MMP9: variants seen among roughly 807,000 people sequenced by gnomAD.
The protein encoded by MMP9 is matrix metallopeptidase 9, also known as matrix metalloproteinase-9.
In MMP9, 73 loss-of-function variants were observed where a neutral mutation model predicts 76.4. The observed-to-expected ratio is 0.96, with a 90% CI of 0.79 to 1.16. The LOEUF (loss-of-function observed/expected upper bound fraction) is 1.16, where lower values mean the gene tolerates loss of function less well. MMP9 is among the 50% of genes most tolerant of loss of function. The pLI is 0.00. For synonymous variants in MMP9, 412 were observed against 408.4 expected (o/e 1.01, Z -0.11); for missense variants, 943 against 973.0 (o/e 0.97, Z 0.41).
intron 8 of MMP9, 114 bp downstream of exon 8, chr20:46,012,696 A>C: frequency 6.9e-7 from 1 of 1,458,610 alleles, no homozygotes; most frequent in South Asian, 1.2e-5. Context: ...GAGAGGTGGG[A>C]CCTCAACGTC....
Position 46,010,542 on chromosome 20 carries a change from C to G in MMP9, c.431C>G (p.Ala144Gly), listed in dbSNP as rs370718441. The change falls in exon 3 of 13, where the codon GCC (alanine) becomes GGC (glycine). Residue 144 changes from alanine (A) to glycine (G), a missense_variant. Transcript: ENST00000372330. ...GTGATTGACGACGCCTTTGCCCGCG[C>G]CTTCGCACTGTGGAGCGCGGTGACG... ...RAVIDDAFAR[A>G]FALWSAVTPL... 57 of 1,614,126 alleles carry G rather than the reference C, an allele frequency of 3.5e-5. No homozygotes were observed. In the South Asian group the frequency reaches 5.4e-4, roughly 15 times the overall value.
chr20:46,014,366 C>T lies in MMP9; in HGVS notation c.1902-5C>T. 1 of 1,547,204 alleles carries T rather than the reference C, an allele frequency of 6.5e-7. No individual in the cohort carries two copies. The highest frequency in any genetic ancestry group is 2.4e-5 in the East Asian group (1 of 40,912). On this transcript the variant is annotated splice_region_variant and splice_polypyrimidine_tract_variant and intron_variant, in intron 11 of 12. Transcript: ENST00000372330. ...AGCACCTGTCTCCTCCGCGCCTGCCCGCAGGTTCGACGTGAAGGCGCAGAT... is the reference window on the plus strand; with the variant it reads ...AGCACCTGTCTCCTCCGCGCCTGCCTGCAGGTTCGACGTGAAGGCGCAGAT...
chr20:46,013,532 T>A lies in MMP9; in HGVS notation c.1608T>A (p.Asp536Glu). The change falls in exon 9 of 13, where the codon GAT becomes GAA. Residue 536 changes from aspartate to glutamate, a missense_variant and splice_region_variant. Coordinates refer to ENST00000372330, the MANE Select transcript of MMP9 (RefSeq NM_004994.3). The surrounding 1 kb of genome is among the most constrained non-coding windows in gnomAD (Gnocchi z 4.5). ...GGAACCAGCTGTATTTGTTCAAGGATGGGTGAGGAGGCGGGGTTGTGTGGA... is the reference window on the plus strand; with the variant it reads ...GGAACCAGCTGTATTTGTTCAAGGAAGGGTGAGGAGGCGGGGTTGTGTGGA... ...EIGNQLYLFKDGKYWRFSEGR... is the reference protein window; with the variant it reads ...EIGNQLYLFKEGKYWRFSEGR... 1 of 1,613,902 alleles carries A rather than the reference T, an allele frequency of 6.2e-7. No homozygotes were observed. The highest frequency in any genetic ancestry group is 1.1e-5 in the South Asian group (1 of 91,034).
chr20:46,010,477 C>A lies in MMP9; in HGVS notation c.372-6C>A. The A allele has an allele frequency of 6.2e-7, 1 of 1,614,078 alleles. No homozygotes were observed. Reference sequence around the variant, plus strand: ...TGACCTCCTTCCTCTGGCTCTTACGCTACAGGATCCAAAACTACTCGGAAG... The same window carrying A: ...TGACCTCCTTCCTCTGGCTCTTACGATACAGGATCCAAAACTACTCGGAAG... On this transcript the variant is annotated splice_region_variant and splice_polypyrimidine_tract_variant and intron_variant, in intron 2 of 12. Coordinates refer to ENST00000372330, the MANE Select transcript of MMP9 (RefSeq NM_004994.3).
rs201266379 is a variant in MMP9 at position 46,013,560 on chromosome 20, C to G, written c.1610+26C>G. The G allele has an allele frequency of 1.2e-6, 2 of 1,611,688 alleles. No homozygotes were observed. The highest frequency in any genetic ancestry group is 2.7e-5 in the African/African-American group (2 of 74,892). On this transcript the variant is annotated intron_variant, in intron 9 of 12. Transcript: ENST00000372330. The surrounding 1 kb of genome is among the most constrained non-coding windows in gnomAD (Gnocchi z 4.5). Reference sequence around the variant, plus strand: ...GTGAGGAGGCGGGGTTGTGTGGATGCGGGAGGGGGCTTTGCGGAGGGGCTG... The same window carrying G: ...GTGAGGAGGCGGGGTTGTGTGGATGGGGGAGGGGGCTTTGCGGAGGGGCTG...
chr20:46,013,223 T>C lies in MMP9; in HGVS notation c.1331-32T>C. The C allele has an allele frequency of 6.2e-7, 1 of 1,613,722 alleles. No homozygotes were observed. On this transcript the variant is annotated intron_variant, in intron 8 of 12. Coordinates refer to ENST00000372330, the MANE Select transcript of MMP9 (RefSeq NM_004994.3). The surrounding 1 kb of genome is among the most constrained non-coding windows in gnomAD (Gnocchi z 4.5). Reference sequence around the variant, plus strand: ...CTAGGGGTACAGAGGTATGCAGGAATAGGAAGAGTCTCACCCCGTGTCTCT... The same window carrying C: ...CTAGGGGTACAGAGGTATGCAGGAACAGGAAGAGTCTCACCCCGTGTCTCT...
Position 46,012,304 on chromosome 20 carries a change from C to T in MMP9, c.1165C>T (p.Pro389Ser). The T allele has an allele frequency of 1.2e-6, 2 of 1,613,418 alleles. No homozygotes were observed. The highest frequency in any genetic ancestry group is 4.5e-5 in the East Asian group (2 of 44,874). ...FDSDKKWGFC[P>S]DQGYSLFLVA... Reference sequence around the variant, plus strand: ...CAGCGACAAGAAGTGGGGCTTCTGCCCGGACCAAGGTAGGCGTGGTCCCGC... The same window carrying T: ...CAGCGACAAGAAGTGGGGCTTCTGCTCGGACCAAGGTAGGCGTGGTCCCGC... The change falls in exon 7 of 13, where the codon CCG becomes TCG. Residue 389 changes from proline (P) to serine (S), a missense_variant. Physicochemically the swap from Pro to Ser is moderately conservative, Grantham distance 74. Transcript: ENST00000372330.
intron 10 of MMP9, 37 bp from the exon 11 acceptor site, chr20:46,014,086 CT>C: frequency 1.3e-6 from 2 of 1,533,918 alleles, no homozygotes; most frequent in African/African-American, 1.4e-5. Context: ...CGTGCTCCCT[CT>C]GCGCCCCCAA....
At chr20:46,010,405 T>C (rs2084271002) in intron 2 of MMP9, 78 bp from the exon 3 acceptor site, 1 of 1,538,372 alleles carries the variant, frequency 6.5e-7, no homozygotes, top group East Asian at 2.2e-5. Flanking sequence ...TGTTGAAGTC[T>C]CTGCGATATG....
At position 46,010,325 on chromosome 20, in the gene MMP9, A is replaced by AAAAAAAAAAAAC. The variant is rs1555856959; in HGVS notation, c.372-147_372-146insCAAAAAAAAAAA. 6.3e-5 allele frequency among the ~76,000 whole-genome samples: 8 copies of AAAAAAAAAAAAC among 126,852 alleles called. 1 individual carries two copies. The highest frequency in any genetic ancestry group is 1.2e-4 in the Non-Finnish European group (7 of 58,460). The allele number at this position is 126,852 out of a possible 152,430, so 83.2% of individuals were successfully genotyped here. A position where few individuals can be genotyped will look rare whatever the true frequency, so the allele number is the denominator to read the frequency against. ...CATTGTGAGGGTCTAAGTAGACAAA[A>AAAAAAAAAAAAC]AAAAAAAAAAAAAAAACAGTCTGGA... On this transcript the variant is annotated intron_variant, in intron 2 of 12. Coordinates refer to ENST00000372330, the MANE Select transcript of MMP9 (RefSeq NM_004994.3).
At position 46,013,993 on chromosome 20, in the gene MMP9, C is replaced by G; in HGVS notation, c.1751-131C>G. On this transcript the variant is annotated intron_variant, in intron 10 of 12. Coordinates refer to ENST00000372330, the MANE Select transcript of MMP9 (RefSeq NM_004994.3). The surrounding 1 kb of genome is among the most constrained non-coding windows in gnomAD (Gnocchi z 4.5). ...GCCCTCGCGTCGCTCTACCCAGCGC[C>G]TCTGCCCCTGGGTTGCAGGGACTGC... The G allele has an allele frequency of 6.9e-7, 1 of 1,453,934 alleles. No individual in the cohort carries two copies. The highest frequency in any genetic ancestry group is 9.2e-7 in the Non-Finnish European group (1 of 1,081,928). The allele number at this position is 1,453,934 out of a possible 1,614,324, so 90.1% of individuals were successfully genotyped here. A position where few individuals can be genotyped will look rare whatever the true frequency, so the allele number is the denominator to read the frequency against.
rs200100975 is a variant in MMP9 at position 46,014,108 on chromosome 20, C to A, written c.1751-16C>A. The stretch of plus-strand genomic sequence containing the variant: ...CCTCTGCGCCCCCAAACCGACGTGA[C>A]CCTCCTCCCCTGCAGGGCGCCAGGT... On this transcript the variant is annotated splice_polypyrimidine_tract_variant and intron_variant, in intron 10 of 12. Transcript: ENST00000372330. The A allele has an allele frequency of 3.9e-6, 6 of 1,534,558 alleles. No homozygotes were observed. The highest frequency in any genetic ancestry group is 5.2e-6 in the Non-Finnish European group (6 of 1,146,620).
intron 6 of MMP9, 66 bp downstream of exon 6, chr20:46,011,813 GCT>G: frequency 6.5e-7 from 1 of 1,540,548 alleles, no homozygotes; most frequent in South Asian, 1.2e-5. Context: ...CCAAAACGCG[GCT>G]CTTCCCTCCC....
intron 6 of MMP9, 49 bp downstream of exon 6, chr20:46,011,796 T>C: frequency 6.4e-7 from 1 of 1,572,058 alleles, no homozygotes; most frequent in Non-Finnish European, 8.6e-7. Flanking sequence ...TCATCATGTA[T>C]TGGCCCCCAA....
At position 46,011,740 on chromosome 20, in the gene MMP9, G is replaced by A; in HGVS notation, c.990G>A (p.Pro330=). Residue 330 remains proline (P), a synonymous_variant, in exon 6 of 13, where the codon CCG becomes CCA. Coordinates refer to ENST00000372330, the MANE Select transcript of MMP9 (RefSeq NM_004994.3). The part of the protein sequence containing the change: ...YDRDKLFGFC[P]TRADSTVMGG... ...GGGACAAGCTCTTCGGCTTCTGCCC[G>A]ACCCGAGGTACCTCCACCCTGTCTA... 6.2e-7 allele frequency: 1 copy of A among 1,611,176 alleles called. No individual in the cohort carries two copies. Among genetic ancestry groups the A allele is most frequent in the Non-Finnish European group, 8.5e-7 (1 of 1,179,758 alleles).
intron 2 of MMP9, 59 bp from the exon 3 acceptor site, chr20:46,010,424 C>T: frequency 6.3e-7 from 1 of 1,599,944 alleles, no homozygotes; most frequent in Non-Finnish European, 8.5e-7. Flanking sequence ...TGGGGTGTCC[C>T]TGCTGCCCCG....
chr20:46,014,306 G>A (rs1158821798), intron 11 of MMP9, 32 bp downstream of exon 11: 39 of 1,535,316 alleles, frequency 2.5e-5, no homozygotes, highest in Middle Eastern at 2.0e-4. Flanking sequence ...GGCAGGGGGA[G>A]CCCGGGCGCC....
At position 46,009,816 on chromosome 20, in the gene MMP9, G is replaced by T. The variant is rs199828752; in HGVS notation, c.139-50G>T. The T allele has an allele frequency of 2.1e-5, 32 of 1,499,880 alleles. No homozygotes were observed. The South Asian group carries it at 3.0e-4, about 14-fold the overall frequency. 92.9% of individuals were successfully genotyped at this position (1,499,880 alleles called of 1,614,324 possible). On this transcript the variant is annotated intron_variant, in intron 1 of 12. Transcript: ENST00000372330. ...GAGGGAGTCCTTTGGCCCCAGCTGG[G>T]CAGAGAAAGGGGTCAGAGATCTGGC...
intron 2 of MMP9, 146 bp downstream of exon 2, chr20:46,010,244 C>A: frequency 1.2e-6 from 1 of 865,744 alleles, no homozygotes; most frequent in Non-Finnish European, 1.7e-6. Flanking sequence ...CACCTCTGAG[C>A]CTCTGTTTCT....
Sources: allele counts gnomAD v4.1 joint callset (sites outside exome capture counted in the v4.1 genomes callset), GRCh38; gene constraint gnomAD v4.1.1; non-coding constraint Gnocchi (gnomAD v3.1); transcripts MANE v1.5; gene names NCBI Gene and HGNC (gene_info 2026-07-23, HGNC 2026-07-21).